ANKRD49: variants seen among roughly 807,000 people sequenced by gnomAD.
The protein encoded by ANKRD49 is ankyrin repeat domain 49.
ANKRD49 carries 18 observed loss-of-function variants against 19.6 expected under a neutral mutation model. That is an observed-to-expected ratio of 0.92 (90% confidence interval 0.63 to 1.36). The LOEUF is 1.36. Ranked by LOEUF, ANKRD49 falls within the 40% of genes most tolerant of loss-of-function variation. The pLI, the probability that ANKRD49 is intolerant of heterozygous loss-of-function variation, is 0.00. For missense variants in ANKRD49, 218 were observed against 281.6 expected, an observed-to-expected ratio of 0.77 and a Z score of 1.62; for synonymous variants, 88 against 101.8, an observed-to-expected ratio of 0.86 and a Z score of 0.82.
chr11:94,496,928 C>G lies in ANKRD49; in HGVS notation c.235C>G (p.Leu79Val). ...KMEKDPSRLL[L>V]WAAEKNRLTT... Reference sequence around the variant, plus strand: ...GGAAAAAGACCCAAGCAGATTGCTTCTTTGGGCTGCTGAAAAAAATCGGGT... The same window carrying G: ...GGAAAAAGACCCAAGCAGATTGCTTGTTTGGGCTGCTGAAAAAAATCGGGT... The change falls in exon 2 of 3, where the codon CTT becomes GTT. Residue 79 changes from leucine to valine, a missense_variant. Coordinates refer to ENST00000544612, the MANE Select transcript of ANKRD49 (RefSeq NM_017704.3). The G allele has an allele frequency of 6.2e-7, 1 of 1,613,406 alleles. No homozygotes were observed.
intron 1 of ANKRD49, 95 bp downstream of exon 1, chr11:94,494,130 C>T (rs942974813): frequency 2.0e-5 from 3 of 152,320 alleles, no homozygotes; most frequent in African/African-American, 7.2e-5. Flanking sequence ...CCTGTGGACA[C>T]AGGCCGAGCC....
intron 1 of ANKRD49, among the ~76,000 whole-genome samples, chr11:94,496,294 AC>A (rs1947417391): frequency 6.6e-6 from 1 of 152,190 alleles, no homozygotes; most frequent in Admixed American, 6.5e-5. Flanking sequence ...TATTAGTTAT[AC>A]TTCAAAACCT....
rs993412073 is a variant in ANKRD49, at chr11:94,497,975, A to G, written c.259-96A>G. 6.6e-5 allele frequency: 61 copies of G among 924,546 alleles called. No individual in the cohort carries two copies. In the African/African-American group the frequency reaches 9.8e-4, roughly 15 times the overall value. The allele number at this position is 924,546 out of a possible 1,614,324, so 57.3% of individuals were successfully genotyped here. On this transcript the variant is annotated intron_variant, in intron 2 of 2. Coordinates refer to ENST00000544612, the MANE Select transcript of ANKRD49 (RefSeq NM_017704.3). ...GTCATCTACTAACAAGTAAGTTTTTATTCAACTTAATTAAATCTAACACCA... is the reference window on the plus strand; with the variant it reads ...GTCATCTACTAACAAGTAAGTTTTTGTTCAACTTAATTAAATCTAACACCA...
chr11:94,498,564 A>G lies in ANKRD49; in HGVS notation c.*32A>G, dbSNP rs764470531. 2.3e-5 allele frequency: 36 copies of G among 1,546,852 alleles called. No individual in the cohort carries two copies. The South Asian group carries it at 3.9e-4, about 17-fold the overall frequency. ...TAGTAATTTTCCTAAGTTTCTAAATACCAGTGCCTCCTGTGTGTGAGATGT... is the reference window on the plus strand; with the variant it reads ...TAGTAATTTTCCTAAGTTTCTAAATGCCAGTGCCTCCTGTGTGTGAGATGT... On this transcript the variant is annotated 3_prime_UTR_variant, in exon 3 of 3. Transcript: ENST00000544612.
chr11:94,498,321 A>T lies in ANKRD49; in HGVS notation c.509A>T (p.Gln170Leu). 6.2e-7 allele frequency: 1 copy of T among 1,614,004 alleles called. No homozygotes were observed. ...CAGCATGATGCAGATATCAATGCCC[A>T]AACAAAAGGCCTCTTGACCCCCTTG... ...LLQHDADINA[Q>L]TKGLLTPLHL... The change falls in exon 3 of 3, where the codon CAA becomes CTA. Residue 170 changes from glutamine (Q) to leucine (L), a missense_variant. Gln to Leu is a moderately radical substitution (Grantham distance 113). Coordinates refer to ENST00000544612, the MANE Select transcript of ANKRD49 (RefSeq NM_017704.3).
Position 94,496,783 on chromosome 11 carries a change from G to A in ANKRD49, c.90G>A (p.Leu30=). The part of the protein sequence containing the change: ...FSEHFNQLEL[L]ETHGHLIPTG... Reference sequence around the variant, plus strand: ...AACACTTTAACCAACTTGAATTGTTGGAAACACATGGACACCTTATTCCTA... The same window carrying A: ...AACACTTTAACCAACTTGAATTGTTAGAAACACATGGACACCTTATTCCTA... Residue 30 remains leucine (L), a synonymous_variant, in exon 2 of 3, where the codon TTG becomes TTA. Coordinates refer to ENST00000544612, the MANE Select transcript of ANKRD49 (RefSeq NM_017704.3). The A allele has an allele frequency of 6.2e-7, 1 of 1,613,894 alleles. No homozygotes were observed. The highest frequency in any genetic ancestry group is 8.5e-7 in the Non-Finnish European group (1 of 1,179,932).
At chr11:94,495,314 G>A (rs1379340479) in intron 1 of ANKRD49, among the ~76,000 whole-genome samples, 2 of 152,178 alleles carry the variant, frequency 1.3e-5, no homozygotes, top group African/African-American at 4.8e-5. Context: ...TTAATTAAAT[G>A]TAATGCTACA....
chr11:94,497,497 T>C (rs1428308310), intron 2 of ANKRD49: 1 of 159,106 alleles, frequency 6.3e-6, no homozygotes, highest in Non-Finnish European at 1.4e-5. Flanking sequence ...TTAAATAGCT[T>C]TTTAACCCAA....
chr11:94,495,032 G>C (rs1947391427), intron 1 of ANKRD49, among the ~76,000 whole-genome samples: 1 of 152,252 alleles, frequency 6.6e-6, no homozygotes, highest in African/African-American at 2.4e-5. Context: ...CTCTGATTGG[G>C]TGACTGAAAA....
At chr11:94,497,724 T>A (rs1947435891) in intron 2 of ANKRD49, 1 of 199,276 alleles carries the variant, frequency 5.0e-6, no homozygotes. Context: ...AGTTATGTTT[T>A]CTTCACAGAT....
In ANKRD49 at chr11:94,498,778, C is replaced by A; in HGVS notation, c.*246C>A. On this transcript the variant is annotated 3_prime_UTR_variant, in exon 3 of 3. Coordinates refer to ENST00000544612, the MANE Select transcript of ANKRD49 (RefSeq NM_017704.3). ...CAGAAATAATTTTAATGTGTGTATA[C>A]TTAAAAACTTGACACGGGTTGTACA... The A allele has an allele frequency of 2.1e-6, 1 of 481,000 alleles. No individual in the cohort carries two copies. The highest frequency in any genetic ancestry group is 3.7e-6 in the Non-Finnish European group (1 of 272,346). The allele number at this position is 481,000 out of a possible 1,614,324, so 29.8% of individuals were successfully genotyped here. A position where few individuals can be genotyped will look rare whatever the true frequency, so the allele number is the denominator to read the frequency against.
At chr11:94,494,273 T>A (rs748778178) in intron 1 of ANKRD49, 5 of 152,214 alleles carry the variant, frequency 3.3e-5, no homozygotes, top group Non-Finnish European at 5.9e-5. Context: ...CGGAGCTGGA[T>A]CCCCTCTCCC....
At chr11:94,496,516 TA>T in intron 1 of ANKRD49, 87 bp from the exon 2 acceptor site, 1 of 574,120 alleles carries the variant, frequency 1.7e-6, no homozygotes, top group African/African-American at 1.9e-5. Context: ...AGACAGGGTT[TA>T]ATTGTATATG....
At chr11:94,497,382 A>G (rs116824861) in intron 2 of ANKRD49, 2,543 of 239,532 alleles carry the variant, frequency 0.011, 64 homozygotes, top group African/African-American at 0.054. Context: ...TCGAAGTGGA[A>G]TGAACATCAA....
chr11:94,496,969 A>G lies in ANKRD49; in HGVS notation c.258+18A>G. On this transcript the variant is annotated intron_variant, in intron 2 of 2. Transcript: ENST00000544612. ...AAAATCGGGTAAAAAAAAAAATTAC[A>G]GAGGGAAGTGTGACAGTAGGAAAAG... 1 of 1,612,024 alleles carries G rather than the reference A, an allele frequency of 6.2e-7. No homozygotes were observed. Among genetic ancestry groups the G allele is most frequent in the Non-Finnish European group, 8.5e-7 (1 of 1,179,952 alleles).
intron 2 of ANKRD49, chr11:94,497,274 ATTATT>A (rs933076693): frequency 3.8e-5 from 18 of 475,854 alleles, no homozygotes; most frequent in Non-Finnish European, 6.3e-5. Context: ...ACCTTATTAC[ATTATT>A]TTATTTAATC....
chr11:94,498,396 T>G lies in ANKRD49; in HGVS notation c.584T>G (p.Leu195Arg). 1 of 1,613,384 alleles carries G rather than the reference T, an allele frequency of 6.2e-7. No individual in the cohort carries two copies. The stretch of plus-strand genomic sequence containing the variant: ...AGCAAGGATACCCTAGAACTCCTCC[T>G]GATGAACCGTTACGTCAAACCAGGG... ...RDSKDTLELL[L>R]MNRYVKPGLK... The change falls in exon 3 of 3, where the codon CTG (leucine) becomes CGG (arginine). Residue 195 changes from leucine to arginine, a missense_variant. Leu to Arg is a moderately radical substitution (Grantham distance 102). Transcript: ENST00000544612.
intron 1 of ANKRD49, among the ~76,000 whole-genome samples, chr11:94,495,425 A>G (rs959606985): frequency 3.9e-5 from 6 of 152,210 alleles, no homozygotes; most frequent in Non-Finnish European, 8.8e-5. Flanking sequence ...TAAAACAAGA[A>G]CAAAGTTAGA....
At position 94,496,780 on chromosome 11, in the gene ANKRD49, G is replaced by A. The variant is rs1203515729; in HGVS notation, c.87G>A (p.Leu29=). 3 of 1,613,960 alleles carry A rather than the reference G, an allele frequency of 1.9e-6. No homozygotes were observed. Among genetic ancestry groups the A allele is most frequent in the East Asian group, 2.2e-5 (1 of 44,876 alleles). Residue 29 remains leucine (L), a synonymous_variant, in exon 2 of 3, where the codon TTG becomes TTA. Transcript: ENST00000544612. ...DFSEHFNQLE[L]LETHGHLIPT... ...CTGAACACTTTAACCAACTTGAATT[G>A]TTGGAAACACATGGACACCTTATTC...
Sources: gnomAD v4.1 joint callset for allele counts (sites outside exome capture counted in the v4.1 genomes callset) on GRCh38, gnomAD v4.1.1 for gene constraint, MANE v1.5 for transcripts, NCBI Gene and HGNC (gene_info 2026-07-23, HGNC 2026-07-21) for gene names.